The following UGDH variants were observed in gnomAD, a reference collection of about 807,000 sequenced individuals.
The protein encoded by UGDH is UDP-glucose 6-dehydrogenase.
Under a neutral mutation model 50.6 loss-of-function variants are expected in UGDH, and 38 were observed. The ratio of observed to expected loss-of-function variants is 0.75; its 90% CI spans 0.58 to 0.98. UGDH has a LOEUF of 0.98. Among genes scored for constraint, UGDH ranks in the 50% least tolerant of loss-of-function variants. The pLI is 0.00. For synonymous variants in UGDH, 168 were observed against 199.9 expected (o/e 0.84, Z 1.35); for missense variants, 465 against 606.2 (o/e 0.77, Z 2.45).
intron 11 of UGDH, among the ~76,000 whole-genome samples, chr4:39,501,276 A>AT (rs71192870): frequency 0.01 from 1,346 of 132,294 alleles, 23 homozygotes; most frequent in African/African-American, 0.036. Flanking sequence ...AACAGCATAA[A>AT]TTTTTTTTTT....
chr4:39,522,433 T>A (rs1317939709), intron 1 of UGDH, among the ~76,000 whole-genome samples: 4 of 152,220 alleles, frequency 2.6e-5, no homozygotes, highest in South Asian at 2.1e-4. Context: ...AGTTTAAGAA[T>A]TTTTTAGTAT....
At chr4:39,525,672 A>T (rs905540461) in intron 1 of UGDH, among the ~76,000 whole-genome samples, 3 of 138,416 alleles carry the variant, frequency 2.2e-5, no homozygotes, top group Admixed American at 1.4e-4. Flanking sequence ...ACGCCCGGCT[A>T]ATTTTTTTTT....
chr4:39,501,568 C>T (rs1180458793), intron 11 of UGDH, among the ~76,000 whole-genome samples: 14 of 152,186 alleles, frequency 9.2e-5, no homozygotes, highest in African/African-American at 2.2e-4. Context: ...CCACCGCACC[C>T]GGCCAGCATA....
At chr4:39,505,855 T>C in intron 7 of UGDH, 107 bp from the exon 8 acceptor site, 2 of 1,176,076 alleles carry the variant, frequency 1.7e-6, no homozygotes, top group Non-Finnish European at 2.2e-6. Context: ...ATACAATGCT[T>C]ACATATTAAC....
chr4:39,501,849 A>G (rs1020156871), intron 11 of UGDH, among the ~76,000 whole-genome samples: 1 of 152,214 alleles, frequency 6.6e-6, no homozygotes, highest in Admixed American at 6.5e-5. Context: ...TATCATTAAA[A>G]ACACTACTAC....
intron 7 of UGDH, among the ~76,000 whole-genome samples, 156 bp from the exon 8 acceptor site, chr4:39,505,904 TA>T (rs11290546): frequency 0.12 from 17,381 of 143,998 alleles, 1,253 homozygotes; most frequent in East Asian, 0.26. Context: ...GCCTATGGAT[TA>T]AAAAAAAAAA....
At chr4:39,521,655 G>A in intron 1 of UGDH, 136 bp from the exon 2 acceptor site, 1 of 681,380 alleles carries the variant, frequency 1.5e-6, no homozygotes, top group Non-Finnish European at 2.2e-6. Flanking sequence ...TCGCTCTGAG[G>A]AATTATGGAA....
intron 6 of UGDH, among the ~76,000 whole-genome samples, chr4:39,509,070 G>A (rs984069328): frequency 1.3e-5 from 2 of 150,320 alleles, no homozygotes; most frequent in South Asian, 4.2e-4. Context: ...GACCTCCTGG[G>A]CTCAGGTGAT....
At chr4:39,526,938 C>T (rs1746923270) in intron 1 of UGDH, 2 of 1,124,540 alleles carry the variant, frequency 1.8e-6, no homozygotes, top group Admixed American at 5.0e-5. Context: ...AAATGAGGTC[C>T]CCAACGAGAG....
chr4:39,519,419 G>A (rs1746559887), intron 2 of UGDH, among the ~76,000 whole-genome samples: 2 of 151,926 alleles, frequency 1.3e-5, no homozygotes, highest in African/African-American at 4.8e-5. Flanking sequence ...ATATAAGTAT[G>A]GTTTATGGGG....
At chr4:39,507,460 A>C (rs1041014251) in intron 7 of UGDH, among the ~76,000 whole-genome samples, 1 of 152,190 alleles carries the variant, frequency 6.6e-6, no homozygotes. Flanking sequence ...ATCCTGGCTC[A>C]CTACAACCTC....
intron 10 of UGDH, 51 bp downstream of exon 10, chr4:39,504,366 G>A: frequency 1.3e-6 from 2 of 1,528,854 alleles, no homozygotes; most frequent in Non-Finnish European, 1.8e-6. Context: ...AACCCCAGCT[G>A]ATAGTGGAAC....
Position 39,503,871 on chromosome 4 carries a change from T to C in UGDH, c.1374+4A>G. On this transcript the variant is annotated splice_donor_region_variant and intron_variant, in intron 11 of 11. Transcript: ENST00000316423. ...GAAAAAAAACAATCCAGGATCATGA[T>C]TACCTGGAAGCCAATGGTTTGTAGT... 1.2e-6 allele frequency: 2 copies of C among 1,611,374 alleles called. No homozygotes were observed. The highest frequency in any genetic ancestry group is 2.2e-5 in the East Asian group (1 of 44,842).
In UGDH at chr4:39,515,752, T is replaced by G. The variant is rs985406185; in HGVS notation, c.163-1568A>C. 4.6e-5 allele frequency among the ~76,000 whole-genome samples: 7 copies of G among 152,086 alleles called. No homozygotes were observed. In the East Asian group the frequency reaches 1.2e-3, roughly 25 times the overall value. Reference sequence around the variant, plus strand: ...TCTTGCTCTGTCACCCTGGCTGGAGTGCAGTGGCACCATCTCGTCTCACTG... The same window carrying G: ...TCTTGCTCTGTCACCCTGGCTGGAGGGCAGTGGCACCATCTCGTCTCACTG... On this transcript the variant is annotated intron_variant, in intron 2 of 11. Transcript: ENST00000316423.
chr4:39,507,716 A>G (rs910918010), intron 7 of UGDH, among the ~76,000 whole-genome samples: 2 of 152,130 alleles, frequency 1.3e-5, no homozygotes, highest in African/African-American at 4.8e-5. Flanking sequence ...TGGGAGGCAA[A>G]GATGGGAGGA....
intron 10 of UGDH, 56 bp from the exon 11 acceptor site, chr4:39,504,041 G>T: frequency 2.1e-6 from 3 of 1,451,862 alleles, no homozygotes; most frequent in Non-Finnish European, 2.9e-6. Flanking sequence ...GGGCGGAGTG[G>T]CTCATGCCTG....
chr4:39,500,271 T>G lies in UGDH; in HGVS notation c.1375-18A>C, dbSNP rs747217395. 1.4e-6 allele frequency: 2 copies of G among 1,480,954 alleles called. No individual in the cohort carries two copies. The highest frequency in any genetic ancestry group is 2.4e-5 in the South Asian group (2 of 81,692). The allele number at this position is 1,480,954 out of a possible 1,614,324, so 91.7% of individuals were successfully genotyped here. On this transcript the variant is annotated intron_variant, in intron 11 of 11. Transcript: ENST00000316423. ...GTTTCAATCTGAAAAAAAAATAAAA[T>G]TTAAGAGAACTATTAACAATTATAT...
intron 7 of UGDH, among the ~76,000 whole-genome samples, chr4:39,507,562 C>T (rs1000950593): frequency 6.6e-6 from 1 of 152,086 alleles, no homozygotes; most frequent in African/African-American, 2.4e-5. Context: ...CCTCAGGCTC[C>T]CGAAGTACAG....
intron 9 of UGDH, among the ~76,000 whole-genome samples, 193 bp from the exon 10 acceptor site, chr4:39,504,701 G>A (rs968075193): frequency 6.6e-6 from 1 of 152,158 alleles, no homozygotes. Flanking sequence ...GTTACTAAGT[G>A]ACTAAGTAGC....
Sources: allele counts gnomAD v4.1 joint callset (sites outside exome capture counted in the v4.1 genomes callset), GRCh38; gene constraint gnomAD v4.1.1; transcripts MANE v1.5; gene names NCBI Gene and HGNC (gene_info 2026-07-23, HGNC 2026-07-21).